ALDH3B1: variants seen among roughly 807,000 people sequenced by gnomAD.
ALDH3B1 encodes aldehyde dehydrogenase 3 family member B1, also known as aldehyde dehydrogenase family 3 member B1.
A neutral mutation model predicts 46.2 loss-of-function variants in ALDH3B1; 37 were observed. The observed-to-expected ratio is 0.80, with a 90% CI of 0.62 to 1.05. The LOEUF (loss-of-function observed/expected upper bound fraction) is 1.05, where lower values mean the gene tolerates loss of function less well. Among genes scored for constraint, ALDH3B1 ranks in the 50% least tolerant of loss-of-function variants. The pLI is 0.00. For missense variants in ALDH3B1, 603 were observed against 665.5 expected (o/e 0.91, Z 1.03); for synonymous variants, 283 against 281.0 (o/e 1.01, Z -0.07).
intron 8 of ALDH3B1, 117 bp from the exon 9 acceptor site, chr11:68,025,892 C>T: frequency 2.9e-6 from 2 of 690,962 alleles, no homozygotes; most frequent in Non-Finnish European, 4.5e-6. Flanking sequence ...ACATGGTGGC[C>T]TCAGACCCTT....
At chr11:68,022,870 G>A in intron 8 of ALDH3B1, 109 bp downstream of exon 8, 1 of 1,476,708 alleles carries the variant, frequency 6.8e-7, no homozygotes, top group South Asian at 1.2e-5. Context: ...TTGGGATGGT[G>A]GACCTCTTGG....
Position 68,026,047 on chromosome 11 carries a change from C to A in ALDH3B1, c.1155C>A (p.Gly385=), listed in dbSNP as rs749346800. The A allele has an allele frequency of 6.2e-7, 1 of 1,609,084 alleles. No individual in the cohort carries two copies. The highest frequency in any genetic ancestry group is 1.1e-5 in the South Asian group (1 of 89,842). ...KRVLTQTSSG[G]FCGNDGFMHM... is the part of the protein sequence containing the mutation. ...TGCTGACCCAGACCAGCAGCGGGGGCTTCTGTGGGAACGACGGCTTCATGC... is the reference window on the plus strand; with the variant it reads ...TGCTGACCCAGACCAGCAGCGGGGGATTCTGTGGGAACGACGGCTTCATGC... The change falls in exon 9 of 10, where the codon GGC becomes GGA. Residue 385 remains glycine, a synonymous_variant. Transcript: ENST00000342456.
Position 68,013,562 on chromosome 11 carries a change from G to A in ALDH3B1, c.-1-1735G>A, listed in dbSNP as rs138593335. Among the ~76,000 whole-genome samples the A allele has an allele frequency of 6.1e-3, 935 of 152,338 alleles. 6 individuals carry two copies. The highest frequency in any genetic ancestry group is 0.01 in the Non-Finnish European group (702 of 68,026). On this transcript the variant is annotated intron_variant, in intron 1 of 9. Transcript: ENST00000342456. The stretch of plus-strand genomic sequence containing the variant: ...CAGGCTACTTAGCAAAACACCCAGA[G>A]CTGACCTTTGTCGAGTACTTTCTGT...
rs1225416178 is a variant in ALDH3B1, at chr11:68,015,354, C to T, written c.57C>T (p.Arg19=). Residue 19 remains arginine (R), a synonymous_variant, in exon 2 of 10, where the codon CGC becomes CGT. Coordinates refer to ENST00000342456, the MANE Select transcript of ALDH3B1 (RefSeq NM_000694.4). ...RRLREAFHAG[R]TRPAEFRAAQ... ...TGCGGGAGGCCTTCCACGCGGGGCG[C>T]ACGCGGCCAGCTGAGTTCCGGGCTG... The T allele has an allele frequency of 1.3e-6, 2 of 1,542,888 alleles. No homozygotes were observed. The highest frequency in any genetic ancestry group is 1.8e-6 in the Non-Finnish European group (2 of 1,141,984).
At chr11:68,012,785 G>A (rs563046783) in intron 1 of ALDH3B1, among the ~76,000 whole-genome samples, 2 of 152,220 alleles carry the variant, frequency 1.3e-5, no homozygotes, top group South Asian at 4.1e-4. Context: ...CCATCCCCAG[G>A]GGACTGTGAG....
chr11:68,022,040 G>T (rs1857513922), intron 7 of ALDH3B1, among the ~76,000 whole-genome samples, 169 bp downstream of exon 7: 1 of 152,214 alleles, frequency 6.6e-6, no homozygotes, highest in Non-Finnish European at 1.5e-5. Flanking sequence ...GTGCTTCTAA[G>T]TCTGTGGCCC....
chr11:68,027,852 C>T lies in ALDH3B1; in HGVS notation c.1320C>T (p.Ala440=). The T allele has an allele frequency of 6.4e-7, 1 of 1,551,828 alleles. No individual in the cohort carries two copies. The highest frequency in any genetic ancestry group is 8.7e-7 in the Non-Finnish European group (1 of 1,149,202). ...LRSPGMEKLN[A]LRYPPQSPRR... is the part of the protein sequence containing the mutation. Reference sequence around the variant, plus strand: ...GCCCGGGGATGGAGAAGCTCAACGCCCTCCGCTACCCGCCGCAATCGCCGC... The same window carrying T: ...GCCCGGGGATGGAGAAGCTCAACGCTCTCCGCTACCCGCCGCAATCGCCGC... The change falls in exon 10 of 10, where the codon GCC becomes GCT. Residue 440 remains alanine (A), a synonymous_variant. Coordinates refer to ENST00000342456, the MANE Select transcript of ALDH3B1 (RefSeq NM_000694.4).
At chr11:68,027,678 G>T in intron 9 of ALDH3B1, 71 bp from the exon 10 acceptor site, 1 of 1,467,564 alleles carries the variant, frequency 6.8e-7, no homozygotes, top group Non-Finnish European at 9.2e-7. Context: ...GAAGTAGCCC[G>T]CCTAGGCCCC....
rs1470009140 is a variant in ALDH3B1 at position 68,028,230 on chromosome 11, C to T, written c.*291C>T. Reference sequence around the variant, plus strand: ...CATATTCAGGAGAAGAGGACAGACACGGCACCTCTGAGTCACCCCTCTCCT... The same window carrying T: ...CATATTCAGGAGAAGAGGACAGACATGGCACCTCTGAGTCACCCCTCTCCT... On this transcript the variant is annotated 3_prime_UTR_variant, in exon 10 of 10. Coordinates refer to ENST00000342456, the MANE Select transcript of ALDH3B1 (RefSeq NM_000694.4). The T allele has an allele frequency of 3.4e-5, 20 of 581,416 alleles. No individual in the cohort carries two copies. Among genetic ancestry groups the T allele is most frequent in the Non-Finnish European group, 5.8e-5 (18 of 307,790 alleles). 36.0% of individuals were successfully genotyped at this position (581,416 alleles called of 1,614,324 possible).
intron 8 of ALDH3B1, among the ~76,000 whole-genome samples, chr11:68,023,970 T>TAA (rs34271562): frequency 0.033 from 4,476 of 135,144 alleles, 107 homozygotes; most frequent in Admixed American, 0.042. Context: ...TCCTGACCCA[T>TAA]AAAAAAAAAA....
At chr11:68,019,909 T>C in intron 6 of ALDH3B1, 113 bp downstream of exon 6, 4 of 1,170,824 alleles carry the variant, frequency 3.4e-6, no homozygotes, top group Non-Finnish European at 3.7e-6. Context: ...TCTCTCTCTC[T>C]CTCTGGACCA....
chr11:68,027,118 C>T (rs73505247), intron 9 of ALDH3B1, among the ~76,000 whole-genome samples: 4,587 of 152,202 alleles, frequency 0.03, 238 homozygotes, highest in African/African-American at 0.1. Context: ...CTGAGCTCTG[C>T]CCAGGTCCCT....
At chr11:68,015,560 C>T (rs990353708) in intron 2 of ALDH3B1, 101 bp downstream of exon 2, 6 of 1,491,980 alleles carry the variant, frequency 4.0e-6, no homozygotes, top group East Asian at 2.5e-5. Flanking sequence ...CTCCATGAAG[C>T]GGGGCTAAAA....
In ALDH3B1 at chr11:68,021,655, G is replaced by C. The variant is rs577967433; in HGVS notation, c.733G>C (p.Val245Leu). Residue 245 changes from valine (V) to leucine (L), a missense_variant, in exon 7 of 10, where the codon GTG (valine) becomes CTG (leucine). Val to Leu is a conservative substitution (Grantham distance 32, BLOSUM62 1). Coordinates refer to ENST00000342456, the MANE Select transcript of ALDH3B1 (RefSeq NM_000694.4). Reference sequence around the variant, plus strand: ...CTACTTCAACGCCGGCCAGACCTGCGTGGCCCCCGACTACGTCCTATGCAG... The same window carrying C: ...CTACTTCAACGCCGGCCAGACCTGCCTGGCCCCCGACTACGTCCTATGCAG... ...FRYFNAGQTC[V>L]APDYVLCSPE... The C allele has an allele frequency of 6.2e-7, 1 of 1,613,936 alleles. No individual in the cohort carries two copies. Among genetic ancestry groups the C allele is most frequent in the African/African-American group, 1.3e-5 (1 of 75,000 alleles).
chr11:68,015,628 G>A (rs1211640614), intron 2 of ALDH3B1, 169 bp downstream of exon 2: 1 of 880,330 alleles, frequency 1.1e-6, no homozygotes, highest in Non-Finnish European at 1.9e-6. Context: ...ACTTATTTCT[G>A]TATTCATGCA....
At chr11:68,026,541 C>A (rs1857627517) in intron 9 of ALDH3B1, among the ~76,000 whole-genome samples, 1 of 151,952 alleles carries the variant, frequency 6.6e-6, no homozygotes, top group Admixed American at 6.6e-5. Context: ...CAGTACAACA[C>A]CTCCCCACCC....
At chr11:68,012,805 A>C (rs1857261438) in intron 1 of ALDH3B1, among the ~76,000 whole-genome samples, 1 of 151,680 alleles carries the variant, frequency 6.6e-6, no homozygotes, top group South Asian at 2.1e-4. Context: ...GGGAGGTGGG[A>C]GCTGAGGTGG....
chr11:68,025,747 G>A (rs1857606734), intron 8 of ALDH3B1, among the ~76,000 whole-genome samples: 1 of 152,094 alleles, frequency 6.6e-6, no homozygotes, highest in Non-Finnish European at 1.5e-5. Context: ...CCTACCCCCA[G>A]CCCTAAGAGT....
chr11:68,009,030 G>T (rs936394631), upstream of ALDH3B1, among the ~76,000 whole-genome samples: 4 of 152,160 alleles, frequency 2.6e-5, no homozygotes, highest in Non-Finnish European at 4.4e-5. Context: ...CCACCAAGGC[G>T]ACACGTGGCA....
Sources: allele counts gnomAD v4.1 joint callset (sites outside exome capture counted in the v4.1 genomes callset), GRCh38; gene constraint gnomAD v4.1.1; transcripts MANE v1.5; gene names NCBI Gene and HGNC (gene_info 2026-07-23, HGNC 2026-07-21).